Variants in ZNF536 observed in about 807,000 individuals in gnomAD.
ZNF536 encodes the protein zinc finger protein 536.
A neutral mutation model predicts 84.5 loss-of-function variants in ZNF536; 13 were observed. The observed-to-expected ratio is 0.15, with a 90% CI of 0.10 to 0.24. ZNF536 has a LOEUF of 0.24. Among genes scored for constraint, ZNF536 ranks in the 10% least tolerant of loss-of-function variants. The pLI is 1.00. For missense variants in ZNF536, 1,536 were observed against 1,747.5 expected (o/e 0.88, Z 2.16); for synonymous variants, 811 against 742.5 (o/e 1.09, Z -1.50).
At chr19:30,642,059 A>T (rs141596468) in intron 1 of ZNF536, among the ~76,000 whole-genome samples, 93 of 152,306 alleles carry the variant, frequency 6.1e-4, no homozygotes, top group African/African-American at 2.1e-3. Flanking sequence ...GGCTGTGTTG[A>T]TGGGGGCCAT....
rs533658738 is a variant in ZNF536, at chr19:30,669,686, G to C, written c.170-41071G>C. Among the ~76,000 whole-genome samples the C allele has an allele frequency of 1.2e-4, 19 of 152,362 alleles. No homozygotes were observed. In the East Asian group the frequency reaches 2.3e-3, roughly 19 times the overall value. Reference sequence around the variant, plus strand: ...CCTAAAACCTGAAAGAAGCTTGCAGGGGGGCTGCGTGGGGTAGAGGGCACC... The same window carrying C: ...CCTAAAACCTGAAAGAAGCTTGCAGCGGGGCTGCGTGGGGTAGAGGGCACC... On this transcript the variant is annotated intron_variant, in intron 1 of 1. Coordinates refer to the ZNF536 transcript ENST00000592773.
intron 1 of ZNF536, among the ~76,000 whole-genome samples, chr19:30,386,870 C>G (rs1462633055): frequency 6.6e-6 from 1 of 152,258 alleles, no homozygotes; most frequent in Non-Finnish European, 1.5e-5. Context: ...ACTTCTATTA[C>G]AGCGGAAACA....
chr19:30,304,799 C>A lies in ZNF536; in HGVS notation c.-120+20658C>A, dbSNP rs546579236. 1.6e-3 allele frequency among the ~76,000 whole-genome samples: 247 copies of A among 152,302 alleles called. 2 individuals are homozygous for A. Among genetic ancestry groups the A allele is most frequent in the Middle Eastern group, 6.8e-3 (2 of 294 alleles). ...CCACGTGGACCACTCAGCCTGCAGG[C>A]TCTTAGCCGCTGCAGGCACCATCTG... is the stretch of plus-strand genomic sequence containing the variant. On this transcript the variant is annotated intron_variant, in intron 2 of 5. Transcript: ENST00000585628.
chr19:30,678,968 A>G (rs1002353968), intron 1 of ZNF536, among the ~76,000 whole-genome samples: 6 of 152,162 alleles, frequency 3.9e-5, no homozygotes, highest in Admixed American at 6.5e-5. Flanking sequence ...ATAAAAGAGT[A>G]GCACGTTGTT....
chr19:30,301,848 C>T (rs1262850564), intron 2 of ZNF536, among the ~76,000 whole-genome samples: 6 of 151,232 alleles, frequency 4.0e-5, no homozygotes, highest in African/African-American at 1.5e-4. Context: ...AAAAAAAAGC[C>T]CAGGGAAAAG....
intron 1 of ZNF536, among the ~76,000 whole-genome samples, chr19:30,417,365 G>T (rs771012701): frequency 6.6e-6 from 1 of 151,628 alleles, no homozygotes; most frequent in African/African-American, 2.4e-5. Context: ...CCTGCTTCTT[G>T]TTTATTTAGT....
At chr19:30,243,710 A>C (rs576137574) in intron 1 of ZNF536, among the ~76,000 whole-genome samples, 15 of 152,382 alleles carry the variant, frequency 9.8e-5, no homozygotes, top group Middle Eastern at 3.4e-3. Context: ...CTGGCTCATT[A>C]ATTTGGAGAC....
chr19:30,639,344 C>T (rs919610886), intron 1 of ZNF536, among the ~76,000 whole-genome samples: 2 of 152,202 alleles, frequency 1.3e-5, no homozygotes, highest in Admixed American at 1.3e-4. Context: ...GAAGTATTAT[C>T]ATTTGAGCAG....
At chr19:30,283,721 G>A (rs1458848698) in intron 1 of ZNF536, among the ~76,000 whole-genome samples, 1 of 146,180 alleles carries the variant, frequency 6.8e-6, no homozygotes, top group East Asian at 2.3e-4. Flanking sequence ...GAGAGACAGC[G>A]AGAGAGAAAG....
chr19:30,264,966 T>TGTGTGTGTGTGTGAGA (rs59889852), intron 1 of ZNF536, among the ~76,000 whole-genome samples: 9 of 133,858 alleles, frequency 6.7e-5, no homozygotes, highest in African/African-American at 2.1e-4. Context: ...TGTGTGTGTG[T>TGTGTGTGTGTGTGAGA]GAGAGAGAGA....
intron 1 of ZNF536, among the ~76,000 whole-genome samples, chr19:30,674,361 A>G (rs2050676596): frequency 6.6e-6 from 1 of 152,194 alleles, no homozygotes; most frequent in South Asian, 2.1e-4. Context: ...GAGTCAGGTG[A>G]AAGAGGATGC....
At chr19:30,659,008 G>A (rs560892175) in intron 1 of ZNF536, among the ~76,000 whole-genome samples, 1 of 152,292 alleles carries the variant, frequency 6.6e-6, no homozygotes, top group South Asian at 2.1e-4. Context: ...GGTCCATTAG[G>A]GATGTTGAAG....
At chr19:30,493,236 C>T (rs949260703) in intron 2 of ZNF536, among the ~76,000 whole-genome samples, 8 of 151,564 alleles carry the variant, frequency 5.3e-5, no homozygotes, top group Admixed American at 3.3e-4. Flanking sequence ...TGAAACCTTC[C>T]TCCCCTGCCC....
intron 2 of ZNF536, among the ~76,000 whole-genome samples, chr19:30,336,941 C>T (rs1302398834): frequency 6.6e-6 from 1 of 152,184 alleles, no homozygotes; most frequent in Non-Finnish European, 1.5e-5. Context: ...TGCAGCCTGA[C>T]CCACTGGCAA....
intron 2 of ZNF536, among the ~76,000 whole-genome samples, chr19:30,518,483 T>G (rs1222432679): frequency 6.6e-6 from 1 of 152,144 alleles, no homozygotes; most frequent in Non-Finnish European, 1.5e-5. Flanking sequence ...TGTGCAATTT[T>G]CCCCGAAGGA....
chr19:30,234,211 T>A (rs2023292601), intron 1 of ZNF536, among the ~76,000 whole-genome samples: 1 of 152,124 alleles, frequency 6.6e-6, no homozygotes, highest in South Asian at 2.1e-4. Flanking sequence ...AAGTTTTCTA[T>A]CTAGGCATTA....
intron 1 of ZNF536, among the ~76,000 whole-genome samples, chr19:30,264,828 C>T (rs771799273): frequency 2.6e-5 from 4 of 152,004 alleles, no homozygotes; most frequent in African/African-American, 4.8e-5. Flanking sequence ...TCATTCTAAT[C>T]AGGCTTAGTT....
chr19:30,692,180 T>A (rs1266604994), intron 1 of ZNF536, among the ~76,000 whole-genome samples: 1 of 152,240 alleles, frequency 6.6e-6, no homozygotes, highest in Admixed American at 6.5e-5. Flanking sequence ...TGAAAGTCAT[T>A]AGAAACCCTG....
intron 2 of ZNF536, chr19:30,296,175 C>G (rs1332358663): frequency 6.6e-6 from 1 of 152,276 alleles, no homozygotes; most frequent in Admixed American, 6.5e-5. Flanking sequence ...TTGATGCTAC[C>G]TTCCAGACTG....
Sources: allele counts gnomAD v4.1 joint callset (sites outside exome capture counted in the v4.1 genomes callset), GRCh38; gene constraint gnomAD v4.1.1; transcripts MANE v1.5; gene names NCBI Gene and HGNC (gene_info 2026-07-23, HGNC 2026-07-21).